Variants in PITX1 observed in about 807,000 individuals in gnomAD.
PITX1 encodes the protein paired like homeodomain 1.
In PITX1, 5 loss-of-function variants were observed where a neutral mutation model predicts 24.1. The observed-to-expected ratio is 0.21, with a 90% CI of 0.11 to 0.44. The LOEUF (loss-of-function observed/expected upper bound fraction) is 0.44, where lower values mean the gene tolerates loss of function less well. Ranked by LOEUF, PITX1 falls within the 20% of genes least tolerant of loss-of-function variation. The pLI is 0.99. For synonymous variants in PITX1, 213 were observed against 208.9 expected (o/e 1.02, Z -0.17); for missense variants, 401 against 455.4 (o/e 0.88, Z 1.09).
At chr5:135,029,997 A>G (rs1208702369) in intron 2 of PITX1, among the ~76,000 whole-genome samples, 1 of 150,176 alleles carries the variant, frequency 6.7e-6, no homozygotes, top group African/African-American at 2.4e-5. Flanking sequence ...CTTTTTCTCA[A>G]ATACCTGATC....
In PITX1 at chr5:135,029,249, C is replaced by T. The variant is rs752113290; in HGVS notation, c.475G>A (p.Gly159Ser). 1 of 1,612,184 alleles carries T rather than the reference C, an allele frequency of 6.2e-7. No homozygotes were observed. Among genetic ancestry groups the T allele is most frequent in the South Asian group, 1.1e-5 (1 of 91,056 alleles). The change falls in exon 3 of 3, where the codon GGC becomes AGC. Residue 159 changes from glycine to serine, a missense_variant. By Grantham distance (56) the Gly-to-Ser change is moderately conservative (BLOSUM62 0). Around this residue, in one of 3 missense-constraint regions of PITX1, gnomAD observed 217 missense variants for 219.8 expected, o/e 0.99. Transcript: ENST00000265340. ...AGGCCGCTGAACTGCGGCACGTAGC[C>T]ACCCTTGCACAGGTCCAGCTGCTGG... is the stretch of plus-strand genomic sequence containing the variant. The part of the protein sequence containing the change: ...RNQQLDLCKG[G>S]YVPQFSGLVQ...
chr5:135,029,251 C>A lies in PITX1; in HGVS notation c.473G>T (p.Gly158Val). The A allele has an allele frequency of 6.2e-7, 1 of 1,612,534 alleles. No individual in the cohort carries two copies. The highest frequency in any genetic ancestry group is 8.5e-7 in the Non-Finnish European group (1 of 1,178,914). Residue 158 changes from glycine to valine, a missense_variant, in exon 3 of 3, where the codon GGT (glycine) becomes GTT (valine). Gly to Val is a moderately radical substitution (Grantham distance 109). Around this residue, in one of 3 missense-constraint regions of PITX1, gnomAD observed 217 missense variants for 219.8 expected, o/e 0.99. Transcript: ENST00000265340. ...GCCGCTGAACTGCGGCACGTAGCCA[C>A]CCTTGCACAGGTCCAGCTGCTGGTT... ...ERNQQLDLCK[G>V]GYVPQFSGLV...
In PITX1 at chr5:135,028,416, C is replaced by T. The variant is rs115710080; in HGVS notation, c.*363G>A. 15,294 of 154,802 alleles carry T rather than the reference C, an allele frequency of 0.099. 832 individuals carry two copies. Among genetic ancestry groups the T allele is most frequent in the Admixed American group, 0.16 (2,449 of 15,354 alleles). 9.6% of individuals were successfully genotyped at this position (154,802 alleles called of 1,614,324 possible). A position where few individuals can be genotyped will look rare whatever the true frequency, so the allele number is the denominator to read the frequency against. On this transcript the variant is annotated 3_prime_UTR_variant, in exon 3 of 3. Transcript: ENST00000265340. Reference sequence around the variant, plus strand: ...CCCCCGGCCGCTGGGCCTCGGCGCTCGCCTACCGCGCCGCGTGCCCTCCGC... The same window carrying T: ...CCCCCGGCCGCTGGGCCTCGGCGCTTGCCTACCGCGCCGCGTGCCCTCCGC...
At position 135,033,063 on chromosome 5, in the gene PITX1, G is replaced by A. The variant is rs1320614359; in HGVS notation, c.169+650C>T. 1 of 444,608 alleles carries A rather than the reference G, an allele frequency of 2.2e-6. No homozygotes were observed. The highest frequency in any genetic ancestry group is 1.6e-5 in the South Asian group (1 of 63,308). 27.5% of individuals were successfully genotyped at this position (444,608 alleles called of 1,614,324 possible). A position where few individuals can be genotyped will look rare whatever the true frequency, so the allele number is the denominator to read the frequency against. ...AGGCAGCGCGGAGGGAGACGCGCAG[G>A]AGCCGGGGCGGGGGCCAGAGCCGGG... On this transcript the variant is annotated intron_variant, in intron 1 of 2. Coordinates refer to ENST00000265340, the MANE Select transcript of PITX1 (RefSeq NM_002653.5). The surrounding 1 kb of genome is among the most constrained non-coding windows in gnomAD (Gnocchi z 5.9).
chr5:135,033,933 G>A lies in PITX1; in HGVS notation c.-52C>T. The A allele has an allele frequency of 5.9e-6, 7 of 1,177,882 alleles. No homozygotes were observed. Among genetic ancestry groups the A allele is most frequent in the Non-Finnish European group, 7.6e-6 (7 of 923,436 alleles). 73.0% of individuals were successfully genotyped at this position (1,177,882 alleles called of 1,614,324 possible). A position where few individuals can be genotyped will look rare whatever the true frequency, so the allele number is the denominator to read the frequency against. ...CAGGGGCCGGGGCTGGGCGCGCCCC[G>A]CCGCCCTGGCTGCGACCTGCGGGGA... On this transcript the variant is annotated 5_prime_UTR_variant, in exon 1 of 3. Transcript: ENST00000265340. This position sits in a 1 kb window ranked among gnomAD's most constrained non-coding sequence, Gnocchi z 5.9.
rs766675727 is a variant in PITX1 at position 135,033,767 on chromosome 5, G to C, written c.115C>G (p.Pro39Ala). 2 of 1,590,162 alleles carry C rather than the reference G, an allele frequency of 1.3e-6. No individual in the cohort carries two copies. The highest frequency in any genetic ancestry group is 8.5e-7 in the Non-Finnish European group (1 of 1,175,044). The change falls in exon 1 of 3, where the codon CCC (proline) becomes GCC (alanine). Residue 39 changes from proline to alanine, a missense_variant. By Grantham distance (27) the Pro-to-Ala change is conservative. Coordinates refer to ENST00000265340, the MANE Select transcript of PITX1 (RefSeq NM_002653.5). This position sits in a 1 kb window ranked among gnomAD's most constrained non-coding sequence, Gnocchi z 5.9. ...GCGGAGTTCTCGAGCGGCTCGCGGG[G>C]GTCGGCGGGCCGGGCCAGGTGGAAG... The part of the protein sequence containing the change: ...PAFHLARPAD[P>A]REPLENSASE...
At position 135,033,338 on chromosome 5, in the gene PITX1, C is replaced by T; in HGVS notation, c.169+375G>A. On this transcript the variant is annotated intron_variant, in intron 1 of 2. Transcript: ENST00000265340. The surrounding 1 kb of genome is among the most constrained non-coding windows in gnomAD (Gnocchi z 5.9). ...TGTCTCTCTGAGTGCGTTCTCTCGC[C>T]CGTCACCCCTCTTCCTTTCTCGGTC... 1 of 309,044 alleles carries T rather than the reference C, an allele frequency of 3.2e-6. No individual in the cohort carries two copies. The highest frequency in any genetic ancestry group is 6.1e-6 in the Non-Finnish European group (1 of 162,706). 19.1% of individuals were successfully genotyped at this position (309,044 alleles called of 1,614,324 possible). A position where few individuals can be genotyped will look rare whatever the true frequency, so the allele number is the denominator to read the frequency against.
intron 1 of PITX1, among the ~76,000 whole-genome samples, chr5:135,032,224 A>G (rs1358482656): frequency 6.6e-6 from 1 of 152,246 alleles, no homozygotes; most frequent in Non-Finnish European, 1.5e-5. Context: ...AGGGCCACAA[A>G]TTCTCAAAAT....
At chr5:135,031,708 G>C in intron 1 of PITX1, 200 bp from the exon 2 acceptor site, 1 of 599,960 alleles carries the variant, frequency 1.7e-6, no homozygotes, top group Non-Finnish European at 3.0e-6. Context: ...GTGTGCCGCG[G>C]AGAAGAGCCC....
Position 135,033,910 on chromosome 5 carries a change from G to C in PITX1, c.-29C>G. 7.6e-7 allele frequency: 1 copy of C among 1,316,706 alleles called. No individual in the cohort carries two copies. The highest frequency in any genetic ancestry group is 9.6e-7 in the Non-Finnish European group (1 of 1,036,488). The allele number at this position is 1,316,706 out of a possible 1,614,324, so 81.6% of individuals were successfully genotyped here. On this transcript the variant is annotated 5_prime_UTR_variant, in exon 1 of 3. Transcript: ENST00000265340. This position sits in a 1 kb window ranked among gnomAD's most constrained non-coding sequence, Gnocchi z 5.9. ...GGTGGGGACCGCGGCGGGCGCTCCAGGGGCCGGGGCTGGGCGCGCCCCGCC... is the reference window on the plus strand; with the variant it reads ...GGTGGGGACCGCGGCGGGCGCTCCACGGGCCGGGGCTGGGCGCGCCCCGCC...
At chr5:135,031,229 C>T (rs755395462) in intron 2 of PITX1, 47 bp downstream of exon 2, 27 of 1,485,756 alleles carry the variant, frequency 1.8e-5, no homozygotes, top group Non-Finnish European at 2.3e-5. Flanking sequence ...AGAGGCGGCC[C>T]GGGAGCCCTC....
chr5:135,031,408 C>T lies in PITX1; in HGVS notation c.270G>A (p.Arg90=). 6.2e-7 allele frequency: 1 copy of T among 1,614,102 alleles called. No homozygotes were observed. Among genetic ancestry groups the T allele is most frequent in the Non-Finnish European group, 8.5e-7 (1 of 1,179,944 alleles). ...GGCTTGTGAAGTGCGTACGTTGCCG[C>T]CGCTGCTTCTTCTTCTTGGCTGGGT... ...ADDPAKKKKQ[R]RQRTHFTSQQ... is the part of the protein sequence containing the mutation. Residue 90 remains arginine (R), a synonymous_variant, in exon 2 of 3, where the codon CGG becomes CGA. Coordinates refer to ENST00000265340, the MANE Select transcript of PITX1 (RefSeq NM_002653.5).
At chr5:135,032,962 C>T (rs1354454432) in intron 1 of PITX1, 2 of 447,826 alleles carry the variant, frequency 4.5e-6, no homozygotes, top group Admixed American at 4.8e-5. Flanking sequence ...GCAGCGGATT[C>T]GCTGCCCCAC....
rs1283146277 is a variant in PITX1, at chr5:135,033,050, G to A, written c.169+663C>T. On this transcript the variant is annotated intron_variant, in intron 1 of 2. Transcript: ENST00000265340. The surrounding 1 kb of genome is among the most constrained non-coding windows in gnomAD (Gnocchi z 5.9). ...CTCGGACAAAAAAAGGCAGCGCGGA[G>A]GGAGACGCGCAGGAGCCGGGGCGGG... 4.5e-6 allele frequency: 2 copies of A among 446,710 alleles called. No homozygotes were observed. Among genetic ancestry groups the A allele is most frequent in the Non-Finnish European group, 9.0e-6 (2 of 222,746 alleles). 27.7% of individuals were successfully genotyped at this position (446,710 alleles called of 1,614,324 possible).
intron 2 of PITX1, among the ~76,000 whole-genome samples, chr5:135,031,048 G>C (rs752623773): frequency 3.2e-4 from 48 of 152,226 alleles, no homozygotes; most frequent in Admixed American, 1.4e-3. Context: ...TTAGTCCGAG[G>C]ATCAGGTAGG....
chr5:135,031,223 GC>G (rs1752440283), intron 2 of PITX1, 52 bp downstream of exon 2: 1 of 1,397,496 alleles, frequency 7.2e-7, no homozygotes, highest in African/African-American at 1.4e-5. Flanking sequence ...TGCAGCAGAG[GC>G]GGCCCGGGAG....
At chr5:135,029,909 T>C (rs1242782440) in intron 2 of PITX1, among the ~76,000 whole-genome samples, 1 of 152,222 alleles carries the variant, frequency 6.6e-6, no homozygotes, top group Non-Finnish European at 1.5e-5. Flanking sequence ...TTTGATCCTT[T>C]TGAATCGTCC....
chr5:135,029,354 G>T (rs534268784), intron 2 of PITX1, 33 bp from the exon 3 acceptor site: 2 of 1,538,440 alleles, frequency 1.3e-6, no homozygotes, highest in Non-Finnish European at 1.8e-6. Flanking sequence ...GGTCAGGGCC[G>T]CTGCGGGCCG....
chr5:135,033,894 C>A lies in PITX1; in HGVS notation c.-13G>T. The A allele has an allele frequency of 7.3e-7, 1 of 1,369,006 alleles. No individual in the cohort carries two copies. Among genetic ancestry groups the A allele is most frequent in the Non-Finnish European group, 9.4e-7 (1 of 1,069,376 alleles). The allele number at this position is 1,369,006 out of a possible 1,614,324, so 84.8% of individuals were successfully genotyped here. A position where few individuals can be genotyped will look rare whatever the true frequency, so the allele number is the denominator to read the frequency against. On this transcript the variant is annotated 5_prime_UTR_variant, in exon 1 of 3. Transcript: ENST00000265340. The surrounding 1 kb of genome is among the most constrained non-coding windows in gnomAD (Gnocchi z 5.9). ...TGAAGGCGTCCATGGAGGTGGGGACCGCGGCGGGCGCTCCAGGGGCCGGGG... is the reference window on the plus strand; with the variant it reads ...TGAAGGCGTCCATGGAGGTGGGGACAGCGGCGGGCGCTCCAGGGGCCGGGG...
Sources: gnomAD v4.1 joint callset for allele counts (sites outside exome capture counted in the v4.1 genomes callset) on GRCh38, gnomAD v4.1.1 for gene constraint, gnomAD v4.1.1 regional missense constraint, Gnocchi (gnomAD v3.1) non-coding constraint, MANE v1.5 for transcripts, NCBI Gene and HGNC (gene_info 2026-07-23, HGNC 2026-07-21) for gene names.